Variants in LIMA1 observed in about 807,000 individuals in gnomAD.
LIMA1 encodes the protein LIM domain and actin-binding protein 1.
A neutral mutation model predicts 62.6 loss-of-function variants in LIMA1; 52 were observed. The observed-to-expected ratio is 0.83, with a 90% CI of 0.67 to 1.05. The LOEUF (loss-of-function observed/expected upper bound fraction) is 1.05, where lower values mean the gene tolerates loss of function less well. Ranked by LOEUF, LIMA1 falls within the 50% of genes least tolerant of loss-of-function variation. LIMA1 has a pLI of 0.00. For missense variants in LIMA1, 780 were observed against 902.2 expected, an observed-to-expected ratio of 0.86 and a Z score of 1.74; for synonymous variants, 302 against 317.8, an observed-to-expected ratio of 0.95 and a Z score of 0.53.
chr12:50,222,277 T>A lies in LIMA1; in HGVS notation c.374A>T (p.His125Leu). 3 of 1,613,792 alleles carry A rather than the reference T, an allele frequency of 1.9e-6. No individual in the cohort carries two copies. Among genetic ancestry groups the A allele is most frequent in the African/African-American group, 2.7e-5 (2 of 74,900 alleles). ...AGGTGACCTGAGTCTAGATCTGGGG[T>A]GGATTTGTTCTTCTTGGTCAGCTTT... ...GAKADQEEQI[H>L]PRSRLRSPPE... The change falls in exon 4 of 11, where the codon CAC (histidine) becomes CTC (leucine). Residue 125 changes from histidine (H) to leucine (L), a missense_variant. Coordinates refer to ENST00000341247, the MANE Select transcript of LIMA1 (RefSeq NM_016357.5).
At chr12:50,260,601 T>C (rs185865747) in intron 1 of LIMA1, among the ~76,000 whole-genome samples, 148 of 152,332 alleles carry the variant, frequency 9.7e-4, no homozygotes, top group Non-Finnish European at 5.4e-4. Flanking sequence ...AGAATTGGTA[T>C]ATGAATTTTT....
intron 7 of LIMA1, 123 bp from the exon 8 acceptor site, chr12:50,196,010 G>C: frequency 1.1e-6 from 1 of 917,560 alleles, no homozygotes; most frequent in Non-Finnish European, 1.6e-6. Context: ...GGCTGCCTAG[G>C]GGAAATAACG....
At chr12:50,223,737 G>C (rs750912616) in intron 3 of LIMA1, among the ~76,000 whole-genome samples, 2 of 151,878 alleles carry the variant, frequency 1.3e-5, no homozygotes, top group African/African-American at 2.4e-5. Flanking sequence ...AAACACGCTT[G>C]TTGAAAATTA....
chr12:50,204,479 C>T, intron 6 of LIMA1, 73 bp downstream of exon 6: 1 of 1,498,166 alleles, frequency 6.7e-7, no homozygotes, highest in Non-Finnish European at 9.0e-7. Flanking sequence ...GTGACATTTC[C>T]TAATTCCAGT....
At chr12:50,267,743 C>G (rs185031465) in intron 1 of LIMA1, among the ~76,000 whole-genome samples, 73 of 150,962 alleles carry the variant, frequency 4.8e-4, no homozygotes, top group Middle Eastern at 3.6e-3. Flanking sequence ...TGGTTTTGAT[C>G]TCTTGACCTT....
At chr12:50,200,722 T>A in intron 7 of LIMA1, 55 bp downstream of exon 7, 1 of 1,561,174 alleles carries the variant, frequency 6.4e-7, no homozygotes, top group Non-Finnish European at 8.8e-7. Context: ...ATTTCAAGCA[T>A]CTAATTTAGA....
Position 50,195,891 on chromosome 12 carries a change from CAA to C in LIMA1, c.973-6_973-5del, listed in dbSNP as rs373254884. ...GGCTATTCTCATTTGCAGAAATCTA[CAA>C]AAAAAAAAAAAAAAAAAAAGTTAGA... On this transcript the variant is annotated splice_polypyrimidine_tract_variant and splice_region_variant and intron_variant, in intron 7 of 10. Transcript: ENST00000341247. 33,611 of 1,061,850 alleles carry C rather than the reference CAA, an allele frequency of 0.032. 2 individuals carry two copies. The highest frequency in any genetic ancestry group is 0.04 in the East Asian group (1,108 of 27,718). 65.8% of individuals were successfully genotyped at this position (1,061,850 alleles called of 1,614,324 possible).
intron 1 of LIMA1, among the ~76,000 whole-genome samples, chr12:50,262,090 C>G (rs1459997289): frequency 1.3e-5 from 2 of 152,096 alleles, no homozygotes; most frequent in Non-Finnish European, 2.9e-5. Context: ...AAAATGGTCT[C>G]CAGTATTCTA....
At chr12:50,187,795 G>C (rs1349153296) in intron 9 of LIMA1, 1 of 152,220 alleles carries the variant, frequency 6.6e-6, no homozygotes, top group Non-Finnish European at 1.5e-5. Context: ...CCTGGGACTT[G>C]GTTGTCCCGT....
chr12:50,211,984 GTCC>G (rs1419659591), intron 4 of LIMA1, among the ~76,000 whole-genome samples: 6 of 152,126 alleles, frequency 3.9e-5, no homozygotes, highest in African/African-American at 1.4e-4. Context: ...CCACCCTGAA[GTCC>G]TCCTTCCTGT....
intron 2 of LIMA1, among the ~76,000 whole-genome samples, chr12:50,241,122 T>C (rs1941770745): frequency 6.6e-6 from 1 of 152,204 alleles, no homozygotes; most frequent in Non-Finnish European, 1.5e-5. Context: ...ATTTGGATTG[T>C]TTCCAGTTTT....
chr12:50,259,918 C>A (rs1450351761), intron 1 of LIMA1, among the ~76,000 whole-genome samples: 1 of 152,122 alleles, frequency 6.6e-6, no homozygotes, highest in East Asian at 1.9e-4. Flanking sequence ...AGAGCAAAAG[C>A]AACAAAAATG....
intron 2 of LIMA1, among the ~76,000 whole-genome samples, chr12:50,247,478 G>A (rs537117224): frequency 4.6e-5 from 7 of 152,070 alleles, no homozygotes; most frequent in African/African-American, 1.4e-4. Flanking sequence ...AGCATCAACC[G>A]CCTGACTTGT....
chr12:50,209,603 A>AGATCTTG (rs1369049520), intron 4 of LIMA1, among the ~76,000 whole-genome samples: 1 of 151,514 alleles, frequency 6.6e-6, no homozygotes, highest in East Asian at 1.9e-4. Flanking sequence ...AAGATAATGA[A>AGATCTTG]GATCTTGGTC....
At position 50,228,147 on chromosome 12, in the gene LIMA1, C is replaced by T. The variant is rs188281810; in HGVS notation, c.165+3518G>A. On this transcript the variant is annotated intron_variant, in intron 3 of 10. Coordinates refer to ENST00000341247, the MANE Select transcript of LIMA1 (RefSeq NM_016357.5). ...TGCTGGGATTACAGGCTTGAGCCAC[C>T]GCGCCGGGCCTGATATGGTACTTAT... Among the ~76,000 whole-genome samples, 25 of 152,264 alleles carry T rather than the reference C, an allele frequency of 1.6e-4. No individual in the cohort carries two copies. In the East Asian group the frequency reaches 2.5e-3, roughly 15 times the overall value.
intron 2 of LIMA1, among the ~76,000 whole-genome samples, chr12:50,243,601 G>T (rs1941808136): frequency 6.6e-6 from 1 of 152,108 alleles, no homozygotes; most frequent in African/African-American, 2.4e-5. Flanking sequence ...CAGAAATCCA[G>T]GCTGATTCCC....
intron 2 of LIMA1, among the ~76,000 whole-genome samples, chr12:50,233,845 C>T (rs999940138): frequency 5.9e-5 from 9 of 152,066 alleles, no homozygotes; most frequent in East Asian, 3.9e-4. Flanking sequence ...GTTTTAAATG[C>T]CACTTAAAAA....
rs57694738 is a variant in LIMA1, at chr12:50,274,581, C to CA, written c.-24+8838dup. Among the ~76,000 whole-genome samples the CA allele has an allele frequency of 5.3e-4, 72 of 136,664 alleles. No individual in the cohort carries two copies. In the Middle Eastern group the frequency reaches 0.011, roughly 21 times the overall value. 89.7% of individuals were successfully genotyped at this position (136,664 alleles called of 152,430 possible). On this transcript the variant is annotated intron_variant, in intron 1 of 10. Transcript: ENST00000341247. ...TGGGTGACAGAGTGAGGCTCCATCT[C>CA]AAAAAAAAAAAAGACAGACATGGTC... is the stretch of plus-strand genomic sequence containing the variant.
chr12:50,183,235 CT>C (rs1400904474), intron 9 of LIMA1, among the ~76,000 whole-genome samples: 2 of 151,912 alleles, frequency 1.3e-5, no homozygotes, highest in African/African-American at 4.8e-5. Context: ...TACATGGCTA[CT>C]AAGGGGTGGG....
Sources: gnomAD v4.1 joint callset for allele counts (sites outside exome capture counted in the v4.1 genomes callset) on GRCh38, gnomAD v4.1.1 for gene constraint, MANE v1.5 for transcripts, NCBI Gene and HGNC (gene_info 2026-07-23, HGNC 2026-07-21) for gene names.